The following TTC28 variants were observed in gnomAD, a reference collection of about 807,000 sequenced individuals.
TTC28 encodes the protein tetratricopeptide repeat domain 28.
A neutral mutation model predicts 198.0 loss-of-function variants in TTC28; 61 were observed. The ratio of observed to expected loss-of-function variants is 0.31; its 90% CI spans 0.25 to 0.38. The LOEUF (loss-of-function observed/expected upper bound fraction) is 0.38, where lower values mean the gene tolerates loss of function less well. TTC28 is among the 10% of genes least tolerant of loss of function. The probability of loss-of-function intolerance (pLI) is 1.00; values close to 1 mark genes in which losing one functional copy is unlikely to be tolerated. For missense variants in TTC28, 2,678 were observed against 3,164.0 expected (o/e 0.85, Z 3.69); for synonymous variants, 1,171 against 1,297.8 (o/e 0.90, Z 2.10).
chr22:28,283,860 T>C (rs1441755646), intron 5 of TTC28, among the ~76,000 whole-genome samples: 1 of 152,148 alleles, frequency 6.6e-6, no homozygotes, highest in Admixed American at 6.5e-5. Context: ...GAAGTATCCT[T>C]ATTGAATGTG....
intron 2 of TTC28, among the ~76,000 whole-genome samples, chr22:28,336,083 T>C (rs2145889525): frequency 6.6e-6 from 1 of 152,330 alleles, no homozygotes; most frequent in Middle Eastern, 3.4e-3. Context: ...CTTTTCTGCA[T>C]CTATTGAGAT....
At chr22:28,113,126 C>T (rs1489948475) in intron 6 of TTC28, among the ~76,000 whole-genome samples, 1 of 152,152 alleles carries the variant, frequency 6.6e-6, no homozygotes, top group Non-Finnish European at 1.5e-5. Flanking sequence ...GAGGTGTGAG[C>T]TGCACAAGCC....
chr22:28,004,632 A>C (rs1299172902), intron 14 of TTC28, among the ~76,000 whole-genome samples: 1 of 152,212 alleles, frequency 6.6e-6, no homozygotes, highest in Non-Finnish European at 1.5e-5. Context: ...GGCAGGTGAC[A>C]GTCGCAGCTG....
At position 27,982,219 on chromosome 22, in the gene TTC28, C is replaced by A. The variant is rs192450363; in HGVS notation, c.*2G>T. 1 of 1,464,674 alleles carries A rather than the reference C, an allele frequency of 6.8e-7. No individual in the cohort carries two copies. Among genetic ancestry groups the A allele is most frequent in the African/African-American group, 1.4e-5 (1 of 69,886 alleles). The allele number at this position is 1,464,674 out of a possible 1,614,324, so 90.7% of individuals were successfully genotyped here. The stretch of plus-strand genomic sequence containing the variant: ...TCAGAGTCAGTGGGTATAAAAGATG[C>A]TTTAGCATTTGGAAGAAGGGAAAAA... On this transcript the variant is annotated 3_prime_UTR_variant, in exon 23 of 23. Coordinates refer to ENST00000397906, the MANE Select transcript of TTC28 (RefSeq NM_001145418.2). This position sits in a 1 kb window ranked among gnomAD's most constrained non-coding sequence, Gnocchi z 5.2.
intron 9 of TTC28, 130 bp from the exon 10 acceptor site, chr22:28,099,174 G>C: frequency 2.4e-6 from 3 of 1,274,220 alleles, no homozygotes; most frequent in Non-Finnish European, 2.1e-6. Flanking sequence ...GAAAGGAAGA[G>C]TCTGATGTCC....
chr22:28,537,957 A>T (rs1223817096), intron 2 of TTC28, among the ~76,000 whole-genome samples: 1 of 152,086 alleles, frequency 6.6e-6, no homozygotes, highest in Non-Finnish European at 1.5e-5. Context: ...ATAGCAAGAC[A>T]CCATCTCTTA....
At chr22:28,377,844 T>A (rs75175610) in intron 2 of TTC28, among the ~76,000 whole-genome samples, 2,452 of 151,846 alleles carry the variant, frequency 0.016, 86 homozygotes, top group African/African-American at 0.057. Flanking sequence ...ATAAAGCCCA[T>A]AAAGAGGAGA....
At chr22:28,610,640 TC>T (rs1436905614) in intron 2 of TTC28, among the ~76,000 whole-genome samples, 1 of 151,990 alleles carries the variant, frequency 6.6e-6, no homozygotes, top group Non-Finnish European at 1.5e-5. Context: ...GGCTGAAAAT[TC>T]CAAAAACCAG....
intron 1 of TTC28, among the ~76,000 whole-genome samples, chr22:28,649,107 G>T (rs2051526394): frequency 6.6e-6 from 1 of 152,156 alleles, no homozygotes; most frequent in African/African-American, 2.4e-5. Flanking sequence ...CAGAGTTAGG[G>T]AATGGAAAAC....
At chr22:28,425,644 T>G (rs2047338850) in intron 2 of TTC28, among the ~76,000 whole-genome samples, 1 of 152,152 alleles carries the variant, frequency 6.6e-6, no homozygotes, top group South Asian at 2.1e-4. Flanking sequence ...CAATAATTGC[T>G]CTAATGAAGG....
At chr22:28,296,799 C>A (rs2044904793) in intron 4 of TTC28, among the ~76,000 whole-genome samples, 1 of 152,132 alleles carries the variant, frequency 6.6e-6, no homozygotes, top group Non-Finnish European at 1.5e-5. Context: ...ACCATAATGA[C>A]CATCATAATC....
intron 12 of TTC28, among the ~76,000 whole-genome samples, chr22:28,082,122 A>G (rs1402281870): frequency 2.6e-5 from 4 of 152,194 alleles, no homozygotes; most frequent in African/African-American, 9.7e-5. Context: ...CAGATTTACT[A>G]AATCTGTTTA....
chr22:28,674,266 T>TG (rs2051941106), intron 1 of TTC28, among the ~76,000 whole-genome samples: 5 of 86,306 alleles, frequency 5.8e-5, no homozygotes, highest in Non-Finnish European at 1.2e-4. Flanking sequence ...TTCTTTGTGG[T>TG]TTTTTTTTTT....
At chr22:28,058,409 T>C (rs557270500) in intron 12 of TTC28, among the ~76,000 whole-genome samples, 31 of 152,242 alleles carry the variant, frequency 2.0e-4, no homozygotes, top group Non-Finnish European at 3.7e-4. Flanking sequence ...CTTAACAATG[T>C]TGAGTCTTCC....
chr22:28,104,023 ACT>A (rs1942228872), intron 8 of TTC28, among the ~76,000 whole-genome samples: 1 of 151,988 alleles, frequency 6.6e-6, no homozygotes, highest in Non-Finnish European at 1.5e-5. Flanking sequence ...TGGCTTCCAG[ACT>A]CTCTGTAACC....
intron 2 of TTC28, among the ~76,000 whole-genome samples, chr22:28,489,628 C>A (rs1007747497): frequency 6.6e-6 from 1 of 151,976 alleles, no homozygotes. Flanking sequence ...TTAGTCAAGA[C>A]AGGCTAGGTT....
chr22:28,001,357 A>C lies in TTC28; in HGVS notation c.4398+17T>G. On this transcript the variant is annotated intron_variant, in intron 15 of 22. Transcript: ENST00000397906. ...GAAAACAAGCCCCCGGCCCCCCACC[A>C]TGTGTGTGAGCCTTACCTTGGACTG... is the stretch of plus-strand genomic sequence containing the variant. The C allele has an allele frequency of 6.5e-7, 1 of 1,532,858 alleles. No homozygotes were observed. The highest frequency in any genetic ancestry group is 1.2e-5 in the South Asian group (1 of 83,726). 95.0% of individuals were successfully genotyped at this position (1,532,858 alleles called of 1,614,324 possible).
chr22:28,333,515 A>G (rs934647475), intron 2 of TTC28, among the ~76,000 whole-genome samples: 1 of 152,090 alleles, frequency 6.6e-6, no homozygotes, highest in African/African-American at 2.4e-5. Context: ...CCTTTGCTCT[A>G]TGATGCCAGG....
chr22:28,421,917 G>C (rs181312548), intron 2 of TTC28, among the ~76,000 whole-genome samples: 54 of 138,068 alleles, frequency 3.9e-4, no homozygotes, highest in Non-Finnish European at 3.5e-4. Context: ...CCTGGTGACA[G>C]AGCAAGACTC....
Sources: gnomAD v4.1 joint callset for allele counts (sites outside exome capture counted in the v4.1 genomes callset) on GRCh38, gnomAD v4.1.1 for gene constraint, Gnocchi (gnomAD v3.1) non-coding constraint, MANE v1.5 for transcripts, NCBI Gene and HGNC (gene_info 2026-07-23, HGNC 2026-07-21) for gene names.